PCDH17: variants seen among roughly 807,000 people sequenced by gnomAD.
PCDH17 encodes the protein protocadherin 17.
A neutral mutation model predicts 67.7 loss-of-function variants in PCDH17; 21 were observed. The observed-to-expected ratio is 0.31, with a 90% CI of 0.22 to 0.45. PCDH17 has a LOEUF of 0.45. Ranked by LOEUF, PCDH17 falls within the 20% of genes least tolerant of loss-of-function variation. The pLI, the probability that PCDH17 is intolerant of heterozygous loss-of-function variation, is 1.00. For synonymous variants in PCDH17, 701 were observed against 656.7 expected (o/e 1.07, Z -1.03); for missense variants, 1,471 against 1,564.8 (o/e 0.94, Z 1.01).
intron 1 of PCDH17, among the ~76,000 whole-genome samples, chr13:57,637,150 T>C (rs1443018393): frequency 1.3e-5 from 2 of 152,082 alleles, no homozygotes; most frequent in African/African-American, 4.8e-5. Flanking sequence ...GAGAAAACTT[T>C]TTTTAACATT....
intron 3 of PCDH17, among the ~76,000 whole-genome samples, chr13:57,675,496 A>T (rs1955382391): frequency 6.6e-6 from 1 of 151,988 alleles, no homozygotes; most frequent in Non-Finnish European, 1.5e-5. Flanking sequence ...GCAGTAAGAC[A>T]TGTCCACAAA....
intron 1 of PCDH17, among the ~76,000 whole-genome samples, chr13:57,651,521 A>T (rs1422731305): frequency 6.6e-6 from 1 of 151,734 alleles, no homozygotes; most frequent in African/African-American, 2.4e-5. Context: ...TATTTTTTTT[A>T]GAGCTGGGGT....
chr13:57,701,132 T>A (rs941558739), intron 3 of PCDH17, among the ~76,000 whole-genome samples: 4 of 152,184 alleles, frequency 2.6e-5, no homozygotes, highest in African/African-American at 9.6e-5. Context: ...TATTATTTTC[T>A]TCCAGTATTG....
intron 3 of PCDH17, among the ~76,000 whole-genome samples, chr13:57,704,663 C>T (rs1411282751): frequency 6.6e-6 from 1 of 151,428 alleles, no homozygotes; most frequent in Non-Finnish European, 1.5e-5. Flanking sequence ...GGATAATTTG[C>T]TATGCTACAA....
intron 3 of PCDH17, among the ~76,000 whole-genome samples, chr13:57,677,765 G>T (rs748650144): frequency 6.6e-6 from 1 of 151,920 alleles, no homozygotes; most frequent in Non-Finnish European, 1.5e-5. Flanking sequence ...GATGTTAAAA[G>T]ATAAGAGATT....
intron 1 of PCDH17, among the ~76,000 whole-genome samples, chr13:57,645,626 G>C (rs1402340372): frequency 6.6e-6 from 1 of 151,050 alleles, no homozygotes; most frequent in East Asian, 1.9e-4. Flanking sequence ...GAGAAAGACA[G>C]GTGATCAAGT....
chr13:57,697,790 G>A (rs1254475063), intron 3 of PCDH17, among the ~76,000 whole-genome samples: 1 of 149,806 alleles, frequency 6.7e-6, no homozygotes, highest in Non-Finnish European at 1.5e-5. Context: ...TTTTTTTAGG[G>A]TACAAATGAA....
intron 3 of PCDH17, among the ~76,000 whole-genome samples, chr13:57,722,960 T>C (rs189056582): frequency 6.6e-6 from 1 of 152,230 alleles, no homozygotes; most frequent in Admixed American, 6.5e-5. Flanking sequence ...CTAATTTAAA[T>C]ACATAAATAG....
intron 1 of PCDH17, among the ~76,000 whole-genome samples, chr13:57,662,159 A>C (rs1319206547): frequency 6.6e-6 from 1 of 152,064 alleles, no homozygotes; most frequent in Non-Finnish European, 1.5e-5. Flanking sequence ...GAGCCACCAT[A>C]CTGGGCCCAA....
At chr13:57,669,592 G>C (rs1187197888) in intron 3 of PCDH17, among the ~76,000 whole-genome samples, 1 of 151,954 alleles carries the variant, frequency 6.6e-6, no homozygotes, top group Non-Finnish European at 1.5e-5. Flanking sequence ...AATTTATTGA[G>C]TTCTTACCAC....
At chr13:57,703,123 G>A (rs568851156) in intron 3 of PCDH17, among the ~76,000 whole-genome samples, 2 of 151,914 alleles carry the variant, frequency 1.3e-5, no homozygotes, top group South Asian at 4.1e-4. Flanking sequence ...ATTGTTTTTT[G>A]CCAAGATAAG....
Position 57,633,765 on chromosome 13 carries a change from G to A in PCDH17, c.1219G>A (p.Gly407Arg), listed in dbSNP as rs1227228760. 5.7e-6 allele frequency: 9 copies of A among 1,592,504 alleles called. No homozygotes were observed. The highest frequency in any genetic ancestry group is 2.2e-5 in the South Asian group (2 of 89,960). Residue 407 changes from glycine to arginine, a missense_variant, in exon 1 of 4, where the codon GGG becomes AGG. Gly to Arg is a moderately radical substitution (Grantham distance 125, BLOSUM62 -2). Coordinates refer to ENST00000377918, the MANE Select transcript of PCDH17 (RefSeq NM_001040429.3). This position sits in a 1 kb window ranked among gnomAD's most constrained non-coding sequence, Gnocchi z 6.2. ...CGGCGGCGGGGGCCTGGGCGGGCCC[G>A]GGGGTTCCGTCCCCTTCAAGCTTGA... Reference protein sequence around the residue: ...TGGGGGLGGPGGSVPFKLEEN... With the variant: ...TGGGGGLGGPRGSVPFKLEEN...
intron 3 of PCDH17, among the ~76,000 whole-genome samples, chr13:57,672,926 G>A (rs1156570999): frequency 6.6e-6 from 1 of 151,992 alleles, no homozygotes; most frequent in Non-Finnish European, 1.5e-5. Flanking sequence ...ACCGGGTATA[G>A]GGAGAAGGCT....
At chr13:57,682,049 A>G (rs956494688) in intron 3 of PCDH17, among the ~76,000 whole-genome samples, 2 of 151,720 alleles carry the variant, frequency 1.3e-5, no homozygotes, top group Admixed American at 6.6e-5. Flanking sequence ...TAGAGCAGCA[A>G]CAACAACAAA....
At chr13:57,716,529 C>A (rs768321624) in intron 3 of PCDH17, among the ~76,000 whole-genome samples, 4 of 151,870 alleles carry the variant, frequency 2.6e-5, no homozygotes, top group African/African-American at 4.8e-5. Context: ...AAACCCTGAT[C>A]AGCCTTTGAA....
chr13:57,682,056 C>T (rs1333881536), intron 3 of PCDH17, among the ~76,000 whole-genome samples: 1 of 151,670 alleles, frequency 6.6e-6, no homozygotes, highest in African/African-American at 2.4e-5. Context: ...GCAACAACAA[C>T]AAAAAACCCC....
intron 3 of PCDH17, among the ~76,000 whole-genome samples, chr13:57,692,252 A>G (rs1369962689): frequency 6.6e-6 from 1 of 151,288 alleles, no homozygotes. Flanking sequence ...TTTCTTATCC[A>G]TGCCCAGGAA....
chr13:57,632,561 C>G lies in PCDH17; in HGVS notation c.15C>G (p.Ile5Met). Residue 5 changes from isoleucine to methionine, a missense_variant, in exon 1 of 4, where the codon ATC (isoleucine) becomes ATG (methionine). By Grantham distance (10) the Ile-to-Met change is conservative. Coordinates refer to ENST00000377918, the MANE Select transcript of PCDH17 (RefSeq NM_001040429.3). MYLS[I>M]CCCFLLWAPA... is the part of the protein sequence containing the mutation. Reference sequence around the variant, plus strand: ...ACAGGTCTGGGATGTACCTTTCCATCTGTTGCTGCTTTCTTCTATGGGCCC... The same window carrying G: ...ACAGGTCTGGGATGTACCTTTCCATGTGTTGCTGCTTTCTTCTATGGGCCC... 6.2e-7 allele frequency: 1 copy of G among 1,613,706 alleles called. No homozygotes were observed. The highest frequency in any genetic ancestry group is 8.5e-7 in the Non-Finnish European group (1 of 1,179,782).
At chr13:57,721,017 A>T (rs1955868121) in intron 3 of PCDH17, among the ~76,000 whole-genome samples, 1 of 152,122 alleles carries the variant, frequency 6.6e-6, no homozygotes, top group Non-Finnish European at 1.5e-5. Flanking sequence ...CTTTTAAAAG[A>T]TTAGACATTG....
Sources: gnomAD v4.1 joint callset for allele counts (sites outside exome capture counted in the v4.1 genomes callset) on GRCh38, gnomAD v4.1.1 for gene constraint, Gnocchi (gnomAD v3.1) non-coding constraint, MANE v1.5 for transcripts, NCBI Gene and HGNC (gene_info 2026-07-23, HGNC 2026-07-21) for gene names.